ITPR1: variants seen among roughly 807,000 people sequenced by gnomAD.
ITPR1 encodes inositol 1,4,5-trisphosphate receptor type 1.
Under a neutral mutation model 318.4 loss-of-function variants are expected in ITPR1, and 96 were observed. That is an observed-to-expected ratio of 0.30 (90% CI 0.26 to 0.36). The LOEUF (loss-of-function observed/expected upper bound fraction) is 0.36. ITPR1 is among the 10% of genes least tolerant of loss of function. The probability of loss-of-function intolerance (pLI) is 1.00; values close to 1 mark genes in which losing one functional copy is unlikely to be tolerated. For synonymous variants in ITPR1, 1,312 were observed against 1,289.9 expected (o/e 1.02, Z -0.37); for missense variants, 2,440 against 3,460.2 (o/e 0.71, Z 7.40).
chr3:4,577,752 A>G (rs984178999), intron 4 of ITPR1, among the ~76,000 whole-genome samples: 3 of 152,248 alleles, frequency 2.0e-5, no homozygotes, highest in African/African-American at 7.2e-5. Context: ...AACATTTTGG[A>G]TAAAACAAAA....
In ITPR1 at chr3:4,811,452, C is replaced by T; in HGVS notation, c.7460C>T (p.Ala2487Val). The T allele has an allele frequency of 6.2e-7, 1 of 1,613,246 alleles. No homozygotes were observed. The highest frequency in any genetic ancestry group is 1.1e-5 in the South Asian group (1 of 91,014). ...LEVDRLPNET[A>V]VPETGESLAS... ...GTAGATAGGCTGCCCAATGAAACAG[C>T]TGTTCCAGGTGGGTTTGGGATCTTC... The change falls in exon 56 of 62, where the codon GCT becomes GTT. Residue 2487 changes from alanine to valine, a missense_variant. Coordinates refer to ENST00000649015, the MANE Select transcript of ITPR1 (RefSeq NM_001378452.1).
At chr3:4,819,846 C>T (rs1376333674) in intron 60 of ITPR1, among the ~76,000 whole-genome samples, 1 of 152,172 alleles carries the variant, frequency 6.6e-6, no homozygotes, top group Non-Finnish European at 1.5e-5. Context: ...GAGAAAAAGA[C>T]ACAAGTTGCA....
chr3:4,554,727 C>T (rs1025737196), intron 4 of ITPR1, among the ~76,000 whole-genome samples: 1 of 152,130 alleles, frequency 6.6e-6, no homozygotes, highest in East Asian at 1.9e-4. Context: ...AAATATCTGT[C>T]TCACTGGTCA....
chr3:4,777,897 A>C (rs2046580692), intron 48 of ITPR1, among the ~76,000 whole-genome samples: 1 of 152,184 alleles, frequency 6.6e-6, no homozygotes. Flanking sequence ...ATGTTGGTTT[A>C]AAATAAGGAA....
At chr3:4,787,862 C>A in intron 51 of ITPR1, 85 bp from the exon 52 acceptor site, 1 of 908,952 alleles carries the variant, frequency 1.1e-6, no homozygotes, top group South Asian at 1.6e-5. Context: ...TCAATCTTGA[C>A]CACCGAGTCT....
At chr3:4,712,729 T>C (rs1037197569) in intron 39 of ITPR1, among the ~76,000 whole-genome samples, 2 of 152,234 alleles carry the variant, frequency 1.3e-5, no homozygotes. Flanking sequence ...TATAAATGTC[T>C]GCAGGAATGT....
chr3:4,623,963 C>G (rs1392664884), intron 4 of ITPR1, among the ~76,000 whole-genome samples: 1 of 152,180 alleles, frequency 6.6e-6, no homozygotes, highest in Non-Finnish European at 1.5e-5. Context: ...AATACACCCT[C>G]TCACCTTAGG....
chr3:4,690,678 A>G (rs908959727), intron 31 of ITPR1, among the ~76,000 whole-genome samples: 1 of 152,124 alleles, frequency 6.6e-6, no homozygotes, highest in Non-Finnish European at 1.5e-5. Context: ...GAATGTTACT[A>G]TCTATTAAAA....
At chr3:4,609,468 G>C (rs2091945244) in intron 4 of ITPR1, among the ~76,000 whole-genome samples, 1 of 152,080 alleles carries the variant, frequency 6.6e-6, no homozygotes, top group Admixed American at 6.5e-5. Context: ...TTCTTGTTGG[G>C]CTTAGGGTGG....
chr3:4,525,460 G>A (rs1457459207), intron 4 of ITPR1, among the ~76,000 whole-genome samples: 1 of 152,098 alleles, frequency 6.6e-6, no homozygotes, highest in Non-Finnish European at 1.5e-5. Context: ...TTTTGTGTGT[G>A]TGTGTGATTT....
At chr3:4,845,727 C>T (rs1044446881) in intron 61 of ITPR1, among the ~76,000 whole-genome samples, 7 of 152,256 alleles carry the variant, frequency 4.6e-5, no homozygotes, top group South Asian at 2.1e-4. Context: ...AGTGTGGACA[C>T]GAACCCTCCC....
chr3:4,606,471 A>G (rs1190292736), intron 4 of ITPR1, among the ~76,000 whole-genome samples: 1 of 152,180 alleles, frequency 6.6e-6, no homozygotes, highest in Non-Finnish European at 1.5e-5. Flanking sequence ...TGGAAGGAAA[A>G]AAAAGAAACA....
At chr3:4,574,192 C>T (rs2088357585) in intron 4 of ITPR1, among the ~76,000 whole-genome samples, 1 of 151,398 alleles carries the variant, frequency 6.6e-6, no homozygotes, top group Non-Finnish European at 1.5e-5. Flanking sequence ...AGTATAGATG[C>T]CTTATCTTCT....
intron 4 of ITPR1, among the ~76,000 whole-genome samples, chr3:4,551,207 T>C (rs1334164444): frequency 6.6e-6 from 1 of 152,188 alleles, no homozygotes; most frequent in Non-Finnish European, 1.5e-5. Context: ...GCTCTTATTC[T>C]TGTCTTGGTC....
intron 54 of ITPR1, among the ~76,000 whole-genome samples, chr3:4,803,489 T>C (rs1392015099): frequency 6.6e-6 from 1 of 152,236 alleles, no homozygotes; most frequent in African/African-American, 2.4e-5. Context: ...ATCGTTGACC[T>C]ACTGGGCTTC....
At chr3:4,668,147 A>T (rs1246658213) in intron 18 of ITPR1, among the ~76,000 whole-genome samples, 1 of 151,760 alleles carries the variant, frequency 6.6e-6, no homozygotes, top group East Asian at 1.9e-4. Flanking sequence ...ACCTACAAAC[A>T]GTAGGTCTTA....
intron 45 of ITPR1, among the ~76,000 whole-genome samples, chr3:4,767,392 C>T (rs1006849884): frequency 5.9e-5 from 9 of 152,312 alleles, no homozygotes; most frequent in Non-Finnish European, 1.2e-4. Context: ...GTCCCCTGGG[C>T]GGGGTTGGGG....
chr3:4,588,517 C>T (rs2090114330), intron 4 of ITPR1, among the ~76,000 whole-genome samples: 1 of 152,120 alleles, frequency 6.6e-6, no homozygotes, highest in Non-Finnish European at 1.5e-5. Flanking sequence ...ACTCTCTCTT[C>T]CGCTTTCTCA....
At chr3:4,827,384 T>C (rs1470852523) in intron 60 of ITPR1, among the ~76,000 whole-genome samples, 1 of 152,236 alleles carries the variant, frequency 6.6e-6, no homozygotes, top group East Asian at 1.9e-4. Flanking sequence ...ATAAAACTGC[T>C]CTCACCTGGA....
Sources: allele counts gnomAD v4.1 joint callset (sites outside exome capture counted in the v4.1 genomes callset), GRCh38; gene constraint gnomAD v4.1.1; transcripts MANE v1.5; gene names NCBI Gene and HGNC (gene_info 2026-07-23, HGNC 2026-07-21).